Variants in TP53BP1 observed in about 807,000 individuals in gnomAD.
The protein encoded by TP53BP1 is tumor protein p53 binding protein 1, also known as TP53-binding protein 1.
TP53BP1 carries 61 observed loss-of-function variants against 200.8 expected under a neutral mutation model. That is an observed-to-expected ratio of 0.30 (90% CI 0.25 to 0.38). The LOEUF (loss-of-function observed/expected upper bound fraction) is 0.38. Ranked by LOEUF, TP53BP1 falls within the 10% of genes least tolerant of loss-of-function variation. The pLI is 1.00. For synonymous variants in TP53BP1, 822 were observed against 844.3 expected (o/e 0.97, Z 0.46); for missense variants, 2,144 against 2,371.9 (o/e 0.90, Z 2.00).
intron 11 of TP53BP1, among the ~76,000 whole-genome samples, chr15:43,460,801 T>C (rs2046411197): frequency 6.6e-6 from 1 of 151,944 alleles, no homozygotes; most frequent in Non-Finnish European, 1.5e-5. Flanking sequence ...GGCAGAAGGA[T>C]TACTTGAGCC....
In TP53BP1 at chr15:43,415,817, A is replaced by G; in HGVS notation, c.4874-8T>C. ...TCCCTTCCACCAAATTGTCTATGGCAGGATAAGCCAAACAGGTTGGTCAAA... is the reference window on the plus strand; with the variant it reads ...TCCCTTCCACCAAATTGTCTATGGCGGGATAAGCCAAACAGGTTGGTCAAA... On this transcript the variant is annotated splice_polypyrimidine_tract_variant and splice_region_variant and intron_variant, in intron 22 of 27. Coordinates refer to ENST00000382044, the MANE Select transcript of TP53BP1 (RefSeq NM_001141980.3). 1 of 1,612,942 alleles carries G rather than the reference A, an allele frequency of 6.2e-7. No homozygotes were observed. Among genetic ancestry groups the G allele is most frequent in the South Asian group, 1.1e-5 (1 of 91,028 alleles).
chr15:43,456,714 C>T lies in TP53BP1; in HGVS notation c.1894G>A (p.Ala632Thr). The change falls in exon 12 of 28, where the codon GCA (alanine) becomes ACA (threonine). Residue 632 changes from alanine (A) to threonine (T), a missense_variant. By Grantham distance (58) the Ala-to-Thr change is moderately conservative. Around this residue, in one of 4 missense-constraint regions of TP53BP1, gnomAD observed 1,700 missense variants for 1,710.3 expected, o/e 0.99. Transcript: ENST00000382044. The stretch of plus-strand genomic sequence containing the variant: ...GATCGAGTAGCTGGTGACGGAACTG[C>T]CTGACTCCCCGAATCACAAGTGAGA... ...IDLTCDSGSQAVPSPATRSEA... is the reference protein window; with the variant it reads ...IDLTCDSGSQTVPSPATRSEA... 1 of 1,614,110 alleles carries T rather than the reference C, an allele frequency of 6.2e-7. No homozygotes were observed. Among genetic ancestry groups the T allele is most frequent in the Non-Finnish European group, 8.5e-7 (1 of 1,180,032 alleles).
chr15:43,485,601 G>A (rs2079036787), intron 4 of TP53BP1, among the ~76,000 whole-genome samples: 1 of 97,342 alleles, frequency 1.0e-5, no homozygotes, highest in Non-Finnish European at 2.2e-5. Flanking sequence ...AAAGTACTTT[G>A]GGAGGCCGAG....
intron 12 of TP53BP1, among the ~76,000 whole-genome samples, chr15:43,451,853 G>A (rs542309480): frequency 6.6e-6 from 1 of 152,298 alleles, no homozygotes; most frequent in South Asian, 2.1e-4. Context: ...ATTTAAATTT[G>A]GCCAGGCCCA....
At chr15:43,419,546 T>TC (rs1343649783) in intron 21 of TP53BP1, among the ~76,000 whole-genome samples, 1 of 135,616 alleles carries the variant, frequency 7.4e-6, no homozygotes, top group East Asian at 2.1e-4. Flanking sequence ...CTTTTTTTTT[T>TC]TTTTTTTTTT....
chr15:43,494,732 A>G (rs1210678322), upstream of TP53BP1, among the ~76,000 whole-genome samples: 2 of 152,232 alleles, frequency 1.3e-5, no homozygotes, highest in Non-Finnish European at 1.5e-5. Context: ...GAGAGGGCAC[A>G]ACCAACCAGG....
intron 1 of TP53BP1, among the ~76,000 whole-genome samples, chr15:43,502,091 G>C (rs1166225670): frequency 6.6e-6 from 1 of 152,160 alleles, no homozygotes; most frequent in African/African-American, 2.4e-5. Flanking sequence ...AGGCTGAGTT[G>C]AGAGGTTCGC....
chr15:43,488,068 A>G (rs1041531288), intron 4 of TP53BP1, among the ~76,000 whole-genome samples: 1 of 152,170 alleles, frequency 6.6e-6, no homozygotes, highest in African/African-American at 2.4e-5. Context: ...GGAGGATGAG[A>G]CAGGAGGATT....
rs2044919522 is a variant in TP53BP1, at chr15:43,407,033, G to A, written c.*350C>T. The A allele has an allele frequency of 8.2e-6, 2 of 244,794 alleles. No homozygotes were observed. The highest frequency in any genetic ancestry group is 2.3e-5 in the African/African-American group (1 of 44,228). 15.2% of individuals were successfully genotyped at this position (244,794 alleles called of 1,614,324 possible). ...GAGTTTCTGCAAGCATAGCATTTTA[G>A]ACACCCTGGAATAACCTTTTGGGAA... is the stretch of plus-strand genomic sequence containing the variant. On this transcript the variant is annotated 3_prime_UTR_variant, in exon 28 of 28. Transcript: ENST00000382044.
chr15:43,507,244 C>CCTGCCT (rs1374559123), intron 1 of TP53BP1, among the ~76,000 whole-genome samples: 1 of 152,110 alleles, frequency 6.6e-6, no homozygotes, highest in Non-Finnish European at 1.5e-5. Context: ...AAGCAATTCT[C>CCTGCCT]CTGCCTCAGC....
upstream of TP53BP1, among the ~76,000 whole-genome samples, chr15:43,494,426 T>C (rs1034631037): frequency 5.3e-4 from 81 of 152,328 alleles, no homozygotes; most frequent in African/African-American, 1.8e-3. Flanking sequence ...ACGTTACTTA[T>C]GGGAACAAAA....
chr15:43,404,889 A>T lies in TP53BP1; in HGVS notation c.*2494T>A. 1 of 489,802 alleles carries T rather than the reference A, an allele frequency of 2.0e-6. No homozygotes were observed. Among genetic ancestry groups the T allele is most frequent in the African/African-American group, 1.9e-5 (1 of 51,494 alleles). 30.3% of individuals were successfully genotyped at this position (489,802 alleles called of 1,614,324 possible). A position where few individuals can be genotyped will look rare whatever the true frequency, so the allele number is the denominator to read the frequency against. ...TGGGCACCCCGCCTTGCTGGTCCCT[A>T]GCTTCCGCATCTGTGAAAGGAGGCG... On this transcript the variant is annotated 3_prime_UTR_variant, in exon 28 of 28. Transcript: ENST00000382044.
At chr15:43,433,664 C>T (rs959782897) in intron 16 of TP53BP1, among the ~76,000 whole-genome samples, 1 of 152,036 alleles carries the variant, frequency 6.6e-6, no homozygotes, top group African/African-American at 2.4e-5. Context: ...GCACAATAGC[C>T]AGAATAAAAA....
Position 43,428,154 on chromosome 15 carries a change from A to C in TP53BP1, c.3690T>G (p.Phe1230Leu), listed in dbSNP as rs1276667552. 1 of 1,613,698 alleles carries C rather than the reference A, an allele frequency of 6.2e-7. No individual in the cohort carries two copies. The highest frequency in any genetic ancestry group is 8.5e-7 in the Non-Finnish European group (1 of 1,179,882). Residue 1230 changes from phenylalanine to leucine, a missense_variant, in exon 18 of 28, where the codon TTT (phenylalanine) becomes TTG (leucine). Phe to Leu is a conservative substitution (Grantham distance 22). Coordinates refer to ENST00000382044, the MANE Select transcript of TP53BP1 (RefSeq NM_001141980.3). ...ESLHSQGEEE[F>L]DMPQPPHGHV... ...GGCCATGTGGAGGCTGAGGCATATC[A>C]AACTCTTCTTCTCCCTGTGACAGAA...
chr15:43,493,146 G>A lies in TP53BP1; in HGVS notation c.-103C>T, dbSNP rs2140161323. 1.3e-6 allele frequency: 2 copies of A among 1,571,132 alleles called. No individual in the cohort carries two copies. Among genetic ancestry groups the A allele is most frequent in the East Asian group, 2.3e-5 (1 of 42,594 alleles). On this transcript the variant is annotated 5_prime_UTR_variant, in exon 1 of 28. Transcript: ENST00000382044. ...GCCGCTGTCGCCACCGCCGCCACCGGCCGCGAACTCCCCCTTTCCCGTCAC... is the reference window on the plus strand; with the variant it reads ...GCCGCTGTCGCCACCGCCGCCACCGACCGCGAACTCCCCCTTTCCCGTCAC...
chr15:43,476,832 G>C (rs1238858761), intron 8 of TP53BP1, among the ~76,000 whole-genome samples: 1 of 152,154 alleles, frequency 6.6e-6, no homozygotes, highest in Non-Finnish European at 1.5e-5. Context: ...AGGTTAAAGA[G>C]GTGTGAAACA....
At chr15:43,474,994 G>T (rs778877051) in intron 9 of TP53BP1, among the ~76,000 whole-genome samples, 1 of 152,184 alleles carries the variant, frequency 6.6e-6, no homozygotes, top group African/African-American at 2.4e-5. Context: ...TTTTCAAAAA[G>T]AGAGTAAGGG....
In TP53BP1 at chr15:43,407,355, G is replaced by A; in HGVS notation, c.*28C>T. 6.2e-7 allele frequency: 1 copy of A among 1,603,310 alleles called. No individual in the cohort carries two copies. Among genetic ancestry groups the A allele is most frequent in the South Asian group, 1.1e-5 (1 of 90,556 alleles). On this transcript the variant is annotated 3_prime_UTR_variant, in exon 28 of 28. Coordinates refer to ENST00000382044, the MANE Select transcript of TP53BP1 (RefSeq NM_001141980.3). Reference sequence around the variant, plus strand: ...TAAAACACAATCTCCACGATAGCAGGGAATAAAACCAGTAAGACCAAGTAT... The same window carrying A: ...TAAAACACAATCTCCACGATAGCAGAGAATAAAACCAGTAAGACCAAGTAT...
chr15:43,410,587 A>T (rs1012577379), intron 24 of TP53BP1, among the ~76,000 whole-genome samples: 1 of 152,190 alleles, frequency 6.6e-6, no homozygotes, highest in African/African-American at 2.4e-5. Flanking sequence ...GCAAGACATT[A>T]GAGATTTTAG....
Sources: allele counts gnomAD v4.1 joint callset (sites outside exome capture counted in the v4.1 genomes callset), GRCh38; gene constraint gnomAD v4.1.1; regional missense constraint gnomAD v4.1.1; transcripts MANE v1.5; gene names NCBI Gene and HGNC (gene_info 2026-07-23, HGNC 2026-07-21).